WDR73: variants seen among roughly 807,000 people sequenced by gnomAD.
WDR73 encodes the protein integrator complex assembly factor WDR73.
Under a neutral mutation model 38.2 loss-of-function variants are expected in WDR73, and 30 were observed. The observed-to-expected ratio is 0.79, with a 90% confidence interval of 0.59 to 1.06. The LOEUF is 1.06. Among genes scored for constraint, WDR73 ranks in the 50% least tolerant of loss-of-function variants. WDR73 has a pLI of 0.00. For missense variants in WDR73, 487 were observed against 467.0 expected, an observed-to-expected ratio of 1.04 and a Z score of -0.40; for synonymous variants, 197 against 176.0, an observed-to-expected ratio of 1.12 and a Z score of -0.94.
Position 84,645,683 on chromosome 15 carries a change from T to C in WDR73, c.671A>G (p.Glu224Gly). The change falls in exon 7 of 8, where the codon GAG (glutamate) becomes GGG (glycine). Residue 224 changes from glutamate to glycine, a missense_variant. Physicochemically the swap from Glu to Gly is moderately conservative, Grantham distance 98. Coordinates refer to ENST00000434634, the MANE Select transcript of WDR73 (RefSeq NM_032856.5). ...GCTCCCAACTTCAGCACACCATCTC[T>C]CTCCACCAGACCCAGGGCCAGGGCT... is the stretch of plus-strand genomic sequence containing the variant. Reference protein sequence around the residue: ...NRSPGPGSGGERWCAEVGSWG... With the variant: ...NRSPGPGSGGGRWCAEVGSWG... The C allele has an allele frequency of 6.2e-7, 1 of 1,608,466 alleles. No individual in the cohort carries two copies. Among genetic ancestry groups the C allele is most frequent in the Non-Finnish European group, 8.5e-7 (1 of 1,177,610 alleles).
At chr15:84,653,867 G>A in intron 1 of WDR73, 168 bp from the exon 2 acceptor site, 1 of 650,206 alleles carries the variant, frequency 1.5e-6, no homozygotes. Flanking sequence ...CCAGTCCCTT[G>A]ATGTCCCTGA....
intron 3 of WDR73, among the ~76,000 whole-genome samples, chr15:84,649,423 G>A (rs1896557537): frequency 6.6e-6 from 1 of 151,872 alleles, no homozygotes; most frequent in Non-Finnish European, 1.5e-5. Flanking sequence ...CTACCCTATA[G>A]CTTCTGTAGC....
At chr15:84,646,411 G>A (rs1414458225) in intron 5 of WDR73, 63 bp from the exon 6 acceptor site, 2 of 1,554,542 alleles carry the variant, frequency 1.3e-6, no homozygotes, top group Non-Finnish European at 1.7e-6. Flanking sequence ...ATGACAGGCT[G>A]CCAGCTGTCT....
intron 3 of WDR73, among the ~76,000 whole-genome samples, chr15:84,652,258 T>A (rs926242804): frequency 6.6e-6 from 1 of 152,212 alleles, no homozygotes; most frequent in East Asian, 1.9e-4. Flanking sequence ...TTCAGAAACA[T>A]TGACCTTTTC....
At chr15:84,654,086 C>T in intron 1 of WDR73, 148 bp downstream of exon 1, 2 of 1,054,050 alleles carry the variant, frequency 1.9e-6, no homozygotes, top group Non-Finnish European at 2.9e-6. Flanking sequence ...GGGGCCTAGG[C>T]CCAGGCGGAG....
intron 7 of WDR73, chr15:84,644,939 CTTTTTT>C (rs66834221): frequency 7.2e-6 from 1 of 139,202 alleles, no homozygotes; most frequent in African/African-American, 2.7e-5. Flanking sequence ...GTCCCTGCTG[CTTTTTT>C]TTTTTTTTTC....
In WDR73 at chr15:84,643,107, C is replaced by G. The variant is rs1216589178; in HGVS notation, c.*363G>C. ...GGGATTTTTTCATGTTTATTGGCCC[C>G]TCTACATTTTTTTCTTTAAAAAAAT... On this transcript the variant is annotated 3_prime_UTR_variant, in exon 8 of 8. Coordinates refer to ENST00000434634, the MANE Select transcript of WDR73 (RefSeq NM_032856.5). 5.1e-6 allele frequency: 1 copy of G among 197,368 alleles called. No homozygotes were observed. Among genetic ancestry groups the G allele is most frequent in the South Asian group, 1.0e-4 (1 of 9,784 alleles). 12.2% of individuals were successfully genotyped at this position (197,368 alleles called of 1,614,324 possible).
chr15:84,645,450 C>A, intron 7 of WDR73, 21 bp downstream of exon 7: 1 of 1,610,068 alleles, frequency 6.2e-7, no homozygotes. Flanking sequence ...GATAACAAGA[C>A]GAAATCCTGC....
At chr15:84,648,441 G>T in intron 4 of WDR73, 96 bp downstream of exon 4, 1 of 815,994 alleles carries the variant, frequency 1.2e-6, no homozygotes, top group Non-Finnish European at 2.1e-6. Context: ...GTGCTGAGGG[G>T]GTGGGAATGG....
At chr15:84,647,846 C>T (rs1313288419) in intron 5 of WDR73, 44 bp downstream of exon 5, 1 of 1,597,570 alleles carries the variant, frequency 6.3e-7, no homozygotes, top group African/African-American at 1.3e-5. Context: ...GTATGAGTCA[C>T]ACTTTCCTAG....
Position 84,641,361 on chromosome 15 carries a change from G to T in WDR73, c.*2109C>A, listed in dbSNP as rs1430826637. 6.6e-6 allele frequency: 1 copy of T among 152,210 alleles called. No homozygotes were observed. Among genetic ancestry groups the T allele is most frequent in the Non-Finnish European group, 1.5e-5 (1 of 68,056 alleles). The allele number at this position is 152,210 out of a possible 1,614,324, so 9.4% of individuals were successfully genotyped here. A position where few individuals can be genotyped will look rare whatever the true frequency, so the allele number is the denominator to read the frequency against. On this transcript the variant is annotated 3_prime_UTR_variant, in exon 8 of 8. Transcript: ENST00000434634. ...CTGGTTAAGGGCTGAGGGGAACCAG[G>T]CACTCAGTGCACCCAGTTTACTATT...
rs1171466416 is a variant in WDR73, at chr15:84,646,337, C to T, written c.364G>A (p.Ala122Thr). The part of the protein sequence containing the change: ...QVAEDSDVIK[A>T]VSTIAVHEKE... ...TCATGCACAGCAATGGTGCTGACAG[C>T]TTTAATGACATCTAGGGGAAAACGA... is the stretch of plus-strand genomic sequence containing the variant. The change falls in exon 6 of 8, where the codon GCT (alanine) becomes ACT (threonine). Residue 122 changes from alanine (A) to threonine (T), a missense_variant. Physicochemically the swap from Ala to Thr is moderately conservative, Grantham distance 58 (BLOSUM62 0). Coordinates refer to ENST00000434634, the MANE Select transcript of WDR73 (RefSeq NM_032856.5). 6.2e-7 allele frequency: 1 copy of T among 1,611,502 alleles called. No homozygotes were observed. Among genetic ancestry groups the T allele is most frequent in the East Asian group, 2.2e-5 (1 of 44,778 alleles).
At chr15:84,643,828 G>C in intron 7 of WDR73, 105 bp from the exon 8 acceptor site, 4 of 1,344,786 alleles carry the variant, frequency 3.0e-6, no homozygotes, top group Non-Finnish European at 3.9e-6. Flanking sequence ...TGTTGACCAG[G>C]ATGGTCTTGA....
At chr15:84,648,751 C>T (rs1475808057) in intron 3 of WDR73, 126 bp from the exon 4 acceptor site, 2 of 712,014 alleles carry the variant, frequency 2.8e-6, no homozygotes, top group South Asian at 1.6e-5. Context: ...GGTGAAAGGG[C>T]GTTGGTGTCC....
At position 84,642,063 on chromosome 15, in the gene WDR73, C is replaced by A. The variant is rs145677645; in HGVS notation, c.*1407G>T. On this transcript the variant is annotated 3_prime_UTR_variant, in exon 8 of 8. Transcript: ENST00000434634. ...ATTCACACAGGAGAAATCCCCTGGC[C>A]GGGCGCGGTGGCTCACACCTGTAAT... 6.6e-6 allele frequency: 1 copy of A among 152,076 alleles called. No homozygotes were observed. The highest frequency in any genetic ancestry group is 6.6e-5 in the Admixed American group (1 of 15,252). 9.4% of individuals were successfully genotyped at this position (152,076 alleles called of 1,614,324 possible).
At position 84,645,550 on chromosome 15, in the gene WDR73, T is replaced by A. The variant is rs1224426737; in HGVS notation, c.804A>T (p.Pro268=). 5 of 1,611,868 alleles carry A rather than the reference T, an allele frequency of 3.1e-6. No homozygotes were observed. Among genetic ancestry groups the A allele is most frequent in the Non-Finnish European group, 4.2e-6 (5 of 1,179,034 alleles). ...LCHPVSSVQC[P]VSVPSPDPEL... ...CTGGGTCAGGGCTAGGTACGGATAC[T>A]GGGCACTGGACTGAGCTCACAGGAT... The change falls in exon 7 of 8, where the codon CCA becomes CCT. Residue 268 remains proline (P), a synonymous_variant. Coordinates refer to ENST00000434634, the MANE Select transcript of WDR73 (RefSeq NM_032856.5).
In WDR73 at chr15:84,640,536, A is replaced by G. The variant is rs1896226811; in HGVS notation, c.*2934T>C. 6.6e-6 allele frequency: 1 copy of G among 152,144 alleles called. No homozygotes were observed. The allele number at this position is 152,144 out of a possible 1,614,324, so 9.4% of individuals were successfully genotyped here. A position where few individuals can be genotyped will look rare whatever the true frequency, so the allele number is the denominator to read the frequency against. ...AAGATCCAGTCATTTGTTTCCATCT[A>G]AAGTGCCCTATAAGCCGGGCATGGT... On this transcript the variant is annotated 3_prime_UTR_variant, in exon 8 of 8. Coordinates refer to ENST00000434634, the MANE Select transcript of WDR73 (RefSeq NM_032856.5).
At chr15:84,648,706 C>T (rs903435374) in intron 3 of WDR73, 81 bp from the exon 4 acceptor site, 30 of 1,152,152 alleles carry the variant, frequency 2.6e-5, no homozygotes, top group Non-Finnish European at 3.4e-5. Context: ...GAGTCAGGTC[C>T]TAGCCTGGCA....
intron 3 of WDR73, 25 bp from the exon 4 acceptor site, chr15:84,648,650 CAG>C: frequency 6.4e-7 from 1 of 1,550,666 alleles, no homozygotes; most frequent in Non-Finnish European, 8.9e-7. Context: ...AGTAGCCAAT[CAG>C]AGCCAGCTCT....
Sources: gnomAD v4.1 joint callset for allele counts (sites outside exome capture counted in the v4.1 genomes callset) on GRCh38, gnomAD v4.1.1 for gene constraint, MANE v1.5 for transcripts, NCBI Gene and HGNC (gene_info 2026-07-23, HGNC 2026-07-21) for gene names.